PAMR1: variants seen among roughly 807,000 people sequenced by gnomAD.
The protein encoded by PAMR1 is peptidase domain containing associated with muscle regeneration 1, also known as inactive serine protease PAMR1.
Under a neutral mutation model 81.8 loss-of-function variants are expected in PAMR1, and 88 were observed. The observed-to-expected ratio is 1.08, with a 90% CI of 0.91 to 1.28. The LOEUF (loss-of-function observed/expected upper bound fraction) is 1.28, where lower values mean the gene tolerates loss of function less well. Among genes scored for constraint, PAMR1 ranks in the 50% most tolerant of loss-of-function variants. The pLI, the probability that PAMR1 is intolerant of heterozygous loss-of-function variation, is 0.00. For missense variants in PAMR1, 935 were observed against 919.7 expected, an observed-to-expected ratio of 1.02 and a Z score of -0.21; for synonymous variants, 336 against 345.3, an observed-to-expected ratio of 0.97 and a Z score of 0.30.
intron 1 of PAMR1, among the ~76,000 whole-genome samples, chr11:35,507,061 T>TGACAGAG (rs1850976289): frequency 9.7e-6 from 1 of 103,274 alleles, no homozygotes; most frequent in African/African-American, 3.8e-5. Flanking sequence ...TTTTTTTTTT[T>TGACAGAG]TTTTGACAGA....
At chr11:35,487,900 A>G (rs1048533303) in intron 3 of PAMR1, among the ~76,000 whole-genome samples, 3 of 152,254 alleles carry the variant, frequency 2.0e-5, no homozygotes, top group African/African-American at 7.2e-5. Context: ...GATTGTACAG[A>G]TGAAACAAGA....
chr11:35,475,158 C>A (rs1400092666), intron 3 of PAMR1, among the ~76,000 whole-genome samples: 2 of 152,182 alleles, frequency 1.3e-5, no homozygotes, highest in African/African-American at 4.8e-5. Flanking sequence ...TTAAAAGGCT[C>A]AGAAAGTAGA....
chr11:35,445,990 A>G (rs1365966647), intron 6 of PAMR1, among the ~76,000 whole-genome samples: 1 of 152,160 alleles, frequency 6.6e-6, no homozygotes, highest in East Asian at 1.9e-4. Flanking sequence ...TAGGCTATTA[A>G]TTACTACCTC....
intron 5 of PAMR1, among the ~76,000 whole-genome samples, chr11:35,469,953 G>A (rs1298562133): frequency 6.6e-6 from 1 of 152,106 alleles, no homozygotes; most frequent in Non-Finnish European, 1.5e-5. Context: ...ATCACAGCAA[G>A]AGTTACAGTC....
intron 3 of PAMR1, among the ~76,000 whole-genome samples, chr11:35,489,360 C>A (rs1002587067): frequency 6.6e-6 from 1 of 152,186 alleles, no homozygotes; most frequent in South Asian, 2.1e-4. Context: ...TCTTGAGATT[C>A]CTTACCCCAT....
chr11:35,451,987 C>T (rs1406961905), intron 6 of PAMR1: 1 of 636,324 alleles, frequency 1.6e-6, no homozygotes, highest in African/African-American at 1.8e-5. Context: ...CTATGGTATT[C>T]TCTTGTAGCA....
chr11:35,493,873 T>C (rs936400097), intron 2 of PAMR1, among the ~76,000 whole-genome samples: 22 of 152,252 alleles, frequency 1.4e-4, no homozygotes, highest in African/African-American at 4.8e-4. Context: ...GTTAAATGAA[T>C]GAGTGAATGA....
intron 6 of PAMR1, among the ~76,000 whole-genome samples, chr11:35,460,655 C>T (rs1856633816): frequency 6.6e-6 from 1 of 152,172 alleles, no homozygotes; most frequent in Non-Finnish European, 1.5e-5. Flanking sequence ...GACATGAACT[C>T]ATCCTTTTTT....
intron 6 of PAMR1, among the ~76,000 whole-genome samples, chr11:35,450,666 ATATGT>A (rs1856397394): frequency 2.0e-5 from 3 of 152,238 alleles, no homozygotes. Flanking sequence ...CAAAAACATA[ATATGT>A]TATGCTTGAA....
intron 6 of PAMR1, among the ~76,000 whole-genome samples, chr11:35,457,411 C>T (rs1003857136): frequency 6.6e-5 from 10 of 152,176 alleles, no homozygotes; most frequent in Non-Finnish European, 1.3e-4. Context: ...ACACCACTGG[C>T]TTTCCTGGTC....
intron 6 of PAMR1, among the ~76,000 whole-genome samples, chr11:35,454,261 C>T (rs1856478770): frequency 6.6e-6 from 1 of 152,180 alleles, no homozygotes; most frequent in African/African-American, 2.4e-5. Flanking sequence ...TGGGCATGGC[C>T]ACCACCCTGT....
chr11:35,491,099 C>A (rs957563374), intron 3 of PAMR1, among the ~76,000 whole-genome samples: 1 of 152,166 alleles, frequency 6.6e-6, no homozygotes, highest in Non-Finnish European at 1.5e-5. Context: ...AAATCAGCAA[C>A]GAAGACCAAC....
At chr11:35,456,742 C>G (rs1467430010) in intron 6 of PAMR1, among the ~76,000 whole-genome samples, 1 of 152,124 alleles carries the variant, frequency 6.6e-6, no homozygotes, top group Non-Finnish European at 1.5e-5. Flanking sequence ...TCAGTTTGAA[C>G]AAACCCTTCA....
chr11:35,463,041 A>G (rs1269316079), intron 6 of PAMR1, among the ~76,000 whole-genome samples: 1 of 152,222 alleles, frequency 6.6e-6, no homozygotes, highest in African/African-American at 2.4e-5. Flanking sequence ...CCTGCAGTAT[A>G]TGCATCTGTC....
chr11:35,439,806 A>G (rs1391331528), intron 7 of PAMR1, 113 bp from the exon 8 acceptor site: 7 of 793,260 alleles, frequency 8.8e-6, no homozygotes, highest in Admixed American at 1.9e-5. Flanking sequence ...CCCATTCCCC[A>G]GGCTCTCAGA....
intron 6 of PAMR1, among the ~76,000 whole-genome samples, chr11:35,459,385 T>C (rs1480626966): frequency 6.6e-6 from 1 of 152,168 alleles, no homozygotes; most frequent in Non-Finnish European, 1.5e-5. Flanking sequence ...ATGTATGTGT[T>C]AGAAACTTCA....
chr11:35,503,522 CA>C (rs1412951295), intron 1 of PAMR1, among the ~76,000 whole-genome samples: 1 of 152,014 alleles, frequency 6.6e-6, no homozygotes, highest in Non-Finnish European at 1.5e-5. Flanking sequence ...AATATCTTTC[CA>C]TTTTTTGTGA....
intron 3 of PAMR1, among the ~76,000 whole-genome samples, chr11:35,490,426 C>A (rs916563278): frequency 6.6e-6 from 1 of 152,232 alleles, no homozygotes; most frequent in African/African-American, 2.4e-5. Flanking sequence ...CTTACATAAT[C>A]CAAAGGTCAA....
At chr11:35,519,887 C>A (rs1330029288) in intron 1 of PAMR1, among the ~76,000 whole-genome samples, 1 of 152,130 alleles carries the variant, frequency 6.6e-6, no homozygotes, top group Non-Finnish European at 1.5e-5. Context: ...TCAGGGCATG[C>A]CTTATGGAGT....
Sources: allele counts gnomAD v4.1 joint callset (sites outside exome capture counted in the v4.1 genomes callset), GRCh38; gene constraint gnomAD v4.1.1; transcripts MANE v1.5; gene names NCBI Gene and HGNC (gene_info 2026-07-23, HGNC 2026-07-21).